The following CHMP4B variants were observed in gnomAD, a reference collection of about 807,000 sequenced individuals.
CHMP4B encodes the protein SNF7 homolog associated with Alix 1.
A neutral mutation model predicts 25.1 loss-of-function variants in CHMP4B; 1 was observed. The ratio of observed to expected loss-of-function variants is 0.04; its 90% CI spans 0.01 to 0.19. CHMP4B has a LOEUF of 0.19. Ranked by LOEUF, CHMP4B falls within the 10% of genes least tolerant of loss-of-function variation. The pLI, the probability that CHMP4B is intolerant of heterozygous loss-of-function variation, is 1.00. For synonymous variants in CHMP4B, 101 were observed against 115.6 expected (o/e 0.87, Z 0.81); for missense variants, 151 against 289.7 (o/e 0.52, Z 3.48).
intron 1 of CHMP4B, among the ~76,000 whole-genome samples, chr20:33,834,104 T>G (rs567277930): frequency 3.8e-4 from 58 of 152,330 alleles, no homozygotes; most frequent in Non-Finnish European, 7.8e-4. Flanking sequence ...TGTAGTGATA[T>G]CACATTTATC....
chr20:33,827,480 C>G (rs1979127682), intron 1 of CHMP4B, among the ~76,000 whole-genome samples: 1 of 152,226 alleles, frequency 6.6e-6, no homozygotes, highest in Non-Finnish European at 1.5e-5. Context: ...AAGTCGAGGT[C>G]AGCCACAGGC....
intron 1 of CHMP4B, among the ~76,000 whole-genome samples, chr20:33,842,663 T>G (rs982794574): frequency 6.6e-6 from 1 of 151,882 alleles, no homozygotes. Flanking sequence ...ACCTCAGGAG[T>G]GTGTTCATTT....
chr20:33,843,100 G>A (rs1441479067), intron 1 of CHMP4B, among the ~76,000 whole-genome samples: 1 of 152,186 alleles, frequency 6.6e-6, no homozygotes, highest in African/African-American at 2.4e-5. Context: ...TCCATCCTGG[G>A]TGAACGTCTT....
At chr20:33,850,884 C>A in intron 2 of CHMP4B, 68 bp from the exon 3 acceptor site, 1 of 1,144,826 alleles carries the variant, frequency 8.7e-7, no homozygotes, top group Non-Finnish European at 1.3e-6. Context: ...TCTGCTCCCG[C>A]CTTGCCTTGC....
intron 1 of CHMP4B, among the ~76,000 whole-genome samples, chr20:33,815,900 C>T (rs999370547): frequency 2.6e-5 from 4 of 152,258 alleles, no homozygotes; most frequent in Middle Eastern, 3.4e-3. Flanking sequence ...ATTAAACACC[C>T]ACCTGTGCAA....
Position 33,811,426 on chromosome 20 carries a change from G to C in CHMP4B, c.-43G>C. 6.9e-7 allele frequency: 1 copy of C among 1,452,736 alleles called. No homozygotes were observed. Among genetic ancestry groups the C allele is most frequent in the Non-Finnish European group, 9.1e-7 (1 of 1,102,436 alleles). 90.0% of individuals were successfully genotyped at this position (1,452,736 alleles called of 1,614,324 possible). A position where few individuals can be genotyped will look rare whatever the true frequency, so the allele number is the denominator to read the frequency against. On this transcript the variant is annotated 5_prime_UTR_variant, in exon 1 of 5. Coordinates refer to ENST00000217402, the MANE Select transcript of CHMP4B (RefSeq NM_176812.5). ...GACCCGAGCCGAGCCGAGCCGAGCC[G>C]AGCCGGAGCGGGCGGCGAAGGCCGG... is the stretch of plus-strand genomic sequence containing the variant.
At chr20:33,819,423 A>G (rs910139348) in intron 1 of CHMP4B, among the ~76,000 whole-genome samples, 2 of 152,208 alleles carry the variant, frequency 1.3e-5, no homozygotes, top group Non-Finnish European at 2.9e-5. Flanking sequence ...TAGTAAAGGG[A>G]TGAGCATCTA....
intron 2 of CHMP4B, 137 bp from the exon 3 acceptor site, chr20:33,850,815 C>A: frequency 1.4e-6 from 1 of 712,564 alleles, no homozygotes; most frequent in Non-Finnish European, 2.6e-6. Context: ...CCAAGTAACC[C>A]CTCACAGGGA....
At position 33,853,720 on chromosome 20, in the gene CHMP4B, T is replaced by C. The variant is rs1979923920; in HGVS notation, c.*160T>C. ...GCCGCGTTGCTGCTCACTCTCTGCA[T>C]AGCATGGTCTGCACCTGGGAGATGG... On this transcript the variant is annotated 3_prime_UTR_variant, in exon 5 of 5. Coordinates refer to ENST00000217402, the MANE Select transcript of CHMP4B (RefSeq NM_176812.5). 2.8e-6 allele frequency: 1 copy of C among 352,288 alleles called. No homozygotes were observed. The highest frequency in any genetic ancestry group is 1.9e-5 in the South Asian group (1 of 53,178). 21.8% of individuals were successfully genotyped at this position (352,288 alleles called of 1,614,324 possible). A position where few individuals can be genotyped will look rare whatever the true frequency, so the allele number is the denominator to read the frequency against.
chr20:33,828,049 G>A (rs6142032), intron 1 of CHMP4B, among the ~76,000 whole-genome samples: 4 of 152,174 alleles, frequency 2.6e-5, no homozygotes, highest in Admixed American at 2.6e-4. Context: ...AAGCCTCTTA[G>A]GAATATGGTA....
At chr20:33,813,450 G>T (rs1285774986) in intron 1 of CHMP4B, among the ~76,000 whole-genome samples, 3 of 152,168 alleles carry the variant, frequency 2.0e-5, no homozygotes, top group East Asian at 3.8e-4. Context: ...GGGGGATGCG[G>T]GTGGGAGCAG....
At chr20:33,821,801 T>G (rs1196684586) in intron 1 of CHMP4B, among the ~76,000 whole-genome samples, 2 of 152,024 alleles carry the variant, frequency 1.3e-5, no homozygotes, top group East Asian at 1.9e-4. Context: ...ATTATTGCTA[T>G]TTTCTTTCTT....
intron 1 of CHMP4B, among the ~76,000 whole-genome samples, chr20:33,816,801 A>C (rs1978794670): frequency 6.6e-6 from 1 of 152,238 alleles, no homozygotes; most frequent in South Asian, 2.1e-4. Context: ...GGAGAGTGGC[A>C]TCTAAAACAC....
chr20:33,844,799 C>G (rs1196894548), intron 1 of CHMP4B, among the ~76,000 whole-genome samples: 2 of 150,960 alleles, frequency 1.3e-5, no homozygotes, highest in Non-Finnish European at 3.0e-5. Flanking sequence ...TGCTCTGTCG[C>G]CCAGGCTGGA....
At chr20:33,843,051 G>A (rs1379507450) in intron 1 of CHMP4B, among the ~76,000 whole-genome samples, 1 of 152,208 alleles carries the variant, frequency 6.6e-6, no homozygotes, top group East Asian at 1.9e-4. Context: ...TCTAAAAATG[G>A]TTTCTGTAAT....
chr20:33,843,396 G>A (rs934350091), intron 1 of CHMP4B, among the ~76,000 whole-genome samples: 2 of 152,222 alleles, frequency 1.3e-5, no homozygotes, highest in Non-Finnish European at 2.9e-5. Context: ...GCCTGGCTTA[G>A]ATTTCAATTG....
chr20:33,850,124 T>C (rs973230878), intron 2 of CHMP4B, among the ~76,000 whole-genome samples: 2 of 152,340 alleles, frequency 1.3e-5, no homozygotes, highest in East Asian at 1.9e-4. Flanking sequence ...TTACATATTG[T>C]CTGTGGCAGC....
At chr20:33,816,628 A>G (rs1978789096) in intron 1 of CHMP4B, among the ~76,000 whole-genome samples, 1 of 152,250 alleles carries the variant, frequency 6.6e-6, no homozygotes, top group African/African-American at 2.4e-5. Context: ...ATGGAAGATG[A>G]TCAAATATCA....
intron 1 of CHMP4B, among the ~76,000 whole-genome samples, chr20:33,825,220 A>G (rs1438941807): frequency 1.3e-5 from 2 of 152,208 alleles, no homozygotes; most frequent in East Asian, 3.8e-4. Flanking sequence ...TGTACTTTTA[A>G]TACCCGTTAA....
Sources: allele counts gnomAD v4.1 joint callset (sites outside exome capture counted in the v4.1 genomes callset), GRCh38; gene constraint gnomAD v4.1.1; transcripts MANE v1.5; gene names NCBI Gene and HGNC (gene_info 2026-07-23, HGNC 2026-07-21).